Variants in TRIM11 observed in about 807,000 individuals in gnomAD.
The protein encoded by TRIM11 is E3 ubiquitin-protein ligase TRIM11.
A neutral mutation model predicts 33.4 loss-of-function variants in TRIM11; 15 were observed. That is an observed-to-expected ratio of 0.45 (90% CI 0.30 to 0.69). The LOEUF (loss-of-function observed/expected upper bound fraction) is 0.69, where lower values mean the gene tolerates loss of function less well. Among genes scored for constraint, TRIM11 ranks in the 30% least tolerant of loss-of-function variants. The pLI is 0.08. For missense variants in TRIM11, 499 were observed against 667.6 expected (o/e 0.75, Z 2.78); for synonymous variants, 281 against 302.6 (o/e 0.93, Z 0.74).
chr1:228,400,384 G>A lies in TRIM11; in HGVS notation c.735+580C>T, dbSNP rs1357812220. On this transcript the variant is annotated intron_variant, in intron 3 of 5. Coordinates refer to ENST00000284551, the MANE Select transcript of TRIM11 (RefSeq NM_145214.3). This position sits in a 1 kb window ranked among gnomAD's most constrained non-coding sequence, Gnocchi z 4.5. Reference sequence around the variant, plus strand: ...TGACCTGCCGCCAGGCCACAGGCCAGGGCGTCCACTGGTTCTGGTTTGGGG... The same window carrying A: ...TGACCTGCCGCCAGGCCACAGGCCAAGGCGTCCACTGGTTCTGGTTTGGGG... Among the ~76,000 whole-genome samples, 1 of 152,252 alleles carries A rather than the reference G, an allele frequency of 6.6e-6. No individual in the cohort carries two copies. Among genetic ancestry groups the A allele is most frequent in the Non-Finnish European group, 1.5e-5 (1 of 68,040 alleles).
chr1:228,401,156 C>T lies in TRIM11; in HGVS notation c.543G>A (p.Glu181=), dbSNP rs371709398. The T allele has an allele frequency of 4.0e-5, 64 of 1,613,462 alleles. No individual in the cohort carries two copies. The highest frequency in any genetic ancestry group is 5.3e-5 in the Non-Finnish European group (62 of 1,179,924). Residue 181 remains glutamate (E), a synonymous_variant, in exon 3 of 6, where the codon GAG becomes GAA. Transcript: ENST00000284551. The surrounding 1 kb of genome is among the most constrained non-coding windows in gnomAD (Gnocchi z 6.1). The part of the protein sequence containing the change: ...VESQRQNVLG[E]FERLRRLLAE... ...CCAGCAAACGGCGAAGACGCTCGAA[C>T]TCACCCAGCACGTTCTGCCGCTGGC...
At chr1:228,402,389 T>C (rs1475009630) in intron 1 of TRIM11, 1 of 441,316 alleles carries the variant, frequency 2.3e-6, no homozygotes, top group Non-Finnish European at 4.1e-6. Context: ...TTTTCTCATA[T>C]GGGGCATTTC....
intron 3 of TRIM11, among the ~76,000 whole-genome samples, chr1:228,399,136 C>T (rs969291002): frequency 6.6e-4 from 100 of 152,220 alleles, no homozygotes; most frequent in African/African-American, 2.1e-3. Context: ...CCTGTCCATT[C>T]GGCCTGGGTG....
intron 4 of TRIM11, 44 bp from the exon 5 acceptor site, chr1:228,397,091 G>A (rs1574083481): frequency 6.2e-7 from 1 of 1,613,828 alleles, no homozygotes; most frequent in Non-Finnish European, 8.5e-7. Context: ...CCAACAGCTG[G>A]GTCCCACCCC....
chr1:228,400,763 G>A lies in TRIM11; in HGVS notation c.735+201C>T, dbSNP rs534843427. On this transcript the variant is annotated intron_variant, in intron 3 of 5. Coordinates refer to ENST00000284551, the MANE Select transcript of TRIM11 (RefSeq NM_145214.3). The surrounding 1 kb of genome is among the most constrained non-coding windows in gnomAD (Gnocchi z 4.5). Reference sequence around the variant, plus strand: ...AAATTGATTTTCCCTTTCTCGGCACGTGGGTTTTGGGGGTGGGACATCTGT... The same window carrying A: ...AAATTGATTTTCCCTTTCTCGGCACATGGGTTTTGGGGGTGGGACATCTGT... Among the ~76,000 whole-genome samples the A allele has an allele frequency of 1.6e-4, 25 of 152,178 alleles. No homozygotes were observed. Among genetic ancestry groups the A allele is most frequent in the Non-Finnish European group, 2.6e-4 (18 of 68,016 alleles).
chr1:228,402,980 C>A (rs1395384861), intron 1 of TRIM11: 1 of 152,242 alleles, frequency 6.6e-6, no homozygotes. Context: ...CCAAGCCACT[C>A]GGGACCTTGT....
chr1:228,400,910 G>A lies in TRIM11; in HGVS notation c.735+54C>T, dbSNP rs1447003783. 2.1e-6 allele frequency: 3 copies of A among 1,457,322 alleles called. No individual in the cohort carries two copies. Among genetic ancestry groups the A allele is most frequent in the Admixed American group, 5.1e-5 (2 of 39,026 alleles). 90.3% of individuals were successfully genotyped at this position (1,457,322 alleles called of 1,614,324 possible). On this transcript the variant is annotated intron_variant, in intron 3 of 5. Coordinates refer to ENST00000284551, the MANE Select transcript of TRIM11 (RefSeq NM_145214.3). The surrounding 1 kb of genome is among the most constrained non-coding windows in gnomAD (Gnocchi z 4.5). ...GCACTTTCTGGTTCTCCCTCCCCCAGTGTGGCCAGGCCATGCCCGTGTGGC... is the reference window on the plus strand; with the variant it reads ...GCACTTTCTGGTTCTCCCTCCCCCAATGTGGCCAGGCCATGCCCGTGTGGC...
At chr1:228,402,010 A>C in intron 2 of TRIM11, 56 bp downstream of exon 2, 1 of 1,490,254 alleles carries the variant, frequency 6.7e-7, no homozygotes, top group Non-Finnish European at 9.2e-7. Flanking sequence ...GGTCTCCTAT[A>C]CAGGACCTTC....
chr1:228,396,146 G>C (rs116690278), intron 5 of TRIM11: 211 of 156,140 alleles, frequency 1.4e-3, no homozygotes, highest in Non-Finnish European at 2.4e-3. Context: ...CAGTGGCTGA[G>C]GTGGGGACCT....
Position 228,395,190 on chromosome 1 carries a change from TC to T in TRIM11, c.921del (p.Ser308AlafsTer56). The T allele has an allele frequency of 6.6e-7, 1 of 1,503,842 alleles. No homozygotes were observed. Among genetic ancestry groups the T allele is most frequent in the Non-Finnish European group, 8.8e-7 (1 of 1,132,946 alleles). The allele number at this position is 1,503,842 out of a possible 1,614,324, so 93.2% of individuals were successfully genotyped here. ...TGCCGTAGGTCCCCCCGCTGCACGC[TC>T]CGCCTGTCTTCAGACAGGATCAGCT... is the stretch of plus-strand genomic sequence containing the variant. Reference protein sequence around the residue: ...NPELILSEDRRSVQRGDLRQA... With the variant: ...NPELILSEDRXSVQRGDLRQA... On this transcript the variant is annotated frameshift_variant, in exon 6 of 6. Transcript: ENST00000284551. LOFTEE classifies it low-confidence loss of function (END_TRUNC). This position sits in a 1 kb window ranked among gnomAD's most constrained non-coding sequence, Gnocchi z 4.8.
Position 228,406,217 on chromosome 1 carries a change from C to T in TRIM11, c.345G>A (p.Glu115=). ...GGTGCGCCCAGTGCTCCCCAGAGCG[C>T]TCGCAGGCCGCACACAGGAGGCGCA... is the stretch of plus-strand genomic sequence containing the variant. The part of the protein sequence containing the change: ...DELRLLCAAC[E]RSGEHWAHRV... Residue 115 remains glutamate (E), a synonymous_variant, in exon 1 of 6, where the codon GAG becomes GAA. Transcript: ENST00000284551. This position sits in a 1 kb window ranked among gnomAD's most constrained non-coding sequence, Gnocchi z 8.2. 3 of 1,485,192 alleles carry T rather than the reference C, an allele frequency of 2.0e-6. No homozygotes were observed. The highest frequency in any genetic ancestry group is 2.7e-6 in the Non-Finnish European group (3 of 1,126,218). 92.0% of individuals were successfully genotyped at this position (1,485,192 alleles called of 1,614,324 possible).
chr1:228,400,865 C>CCT lies in TRIM11; in HGVS notation c.735+97_735+98dup, dbSNP rs1656184079. On this transcript the variant is annotated intron_variant, in intron 3 of 5. Coordinates refer to ENST00000284551, the MANE Select transcript of TRIM11 (RefSeq NM_145214.3). The surrounding 1 kb of genome is among the most constrained non-coding windows in gnomAD (Gnocchi z 4.5). ...GCCATTCACCTCTCAGCCCAGACAA[C>CCT]CTCTCTGCCCCTGCTTCTTGCACTT... 7.0e-7 allele frequency: 1 copy of CCT among 1,427,428 alleles called. No individual in the cohort carries two copies. The highest frequency in any genetic ancestry group is 2.6e-5 in the East Asian group (1 of 39,074). The allele number at this position is 1,427,428 out of a possible 1,614,324, so 88.4% of individuals were successfully genotyped here.
chr1:228,405,997 C>A, intron 1 of TRIM11, 157 bp downstream of exon 1: 9 of 830,586 alleles, frequency 1.1e-5, no homozygotes, highest in Non-Finnish European at 1.2e-5. Flanking sequence ...CTGCGCGACA[C>A]CCCCCTCACA....
Position 228,394,425 on chromosome 1 carries a change from G to C in TRIM11, c.*280C>G. On this transcript the variant is annotated 3_prime_UTR_variant, in exon 6 of 6. Transcript: ENST00000284551. The surrounding 1 kb of genome is among the most constrained non-coding windows in gnomAD (Gnocchi z 6.2). ...TCTGGAACCACAGGCCAGAGCTGCC[G>C]GGGCAATGGGGCTCCCAGCTTTGGT... The C allele has an allele frequency of 2.2e-6, 1 of 455,762 alleles. No homozygotes were observed. Among genetic ancestry groups the C allele is most frequent in the East Asian group, 3.5e-5 (1 of 28,960 alleles). 28.2% of individuals were successfully genotyped at this position (455,762 alleles called of 1,614,324 possible).
Position 228,406,636 on chromosome 1 carries a change from CG to C in TRIM11, c.-76del. ...GCGGCCTCGGCAGCTCGCGGGGACG[CG>C]GGGTATCCGGGTGCGGCGGCGCAGG... On this transcript the variant is annotated 5_prime_UTR_variant, in exon 1 of 6. Coordinates refer to ENST00000284551, the MANE Select transcript of TRIM11 (RefSeq NM_145214.3). This position sits in a 1 kb window ranked among gnomAD's most constrained non-coding sequence, Gnocchi z 8.2. 2 of 1,317,248 alleles carry C rather than the reference CG, an allele frequency of 1.5e-6. No homozygotes were observed. Among genetic ancestry groups the C allele is most frequent in the Non-Finnish European group, 1.9e-6 (2 of 1,028,782 alleles). The allele number at this position is 1,317,248 out of a possible 1,614,324, so 81.6% of individuals were successfully genotyped here.
At chr1:228,399,242 AAC>A (rs1032328412) in intron 3 of TRIM11, among the ~76,000 whole-genome samples, 1 of 152,038 alleles carries the variant, frequency 6.6e-6, no homozygotes, top group Non-Finnish European at 1.5e-5. Flanking sequence ...AGCTCACATC[AAC>A]ACAGAGCTGC....
chr1:228,400,929 G>A lies in TRIM11; in HGVS notation c.735+35C>T, dbSNP rs1352492502. On this transcript the variant is annotated intron_variant, in intron 3 of 5. Transcript: ENST00000284551. This position sits in a 1 kb window ranked among gnomAD's most constrained non-coding sequence, Gnocchi z 4.5. ...CCCCCAGTGTGGCCAGGCCATGCCC[G>A]TGTGGCCACCATGGCTGCTCCCCGC... 4.6e-6 allele frequency: 7 copies of A among 1,506,896 alleles called. No homozygotes were observed. Among genetic ancestry groups the A allele is most frequent in the African/African-American group, 1.4e-5 (1 of 72,346 alleles). The allele number at this position is 1,506,896 out of a possible 1,614,324, so 93.3% of individuals were successfully genotyped here.
In TRIM11 at chr1:228,394,724, T is replaced by TC; in HGVS notation, c.1387dup (p.Asp463GlyfsTer111). 6.2e-7 allele frequency: 1 copy of TC among 1,605,582 alleles called. No homozygotes were observed. Among genetic ancestry groups the TC allele is most frequent in the Non-Finnish European group, 8.5e-7 (1 of 1,174,384 alleles). ...CCCGAGTCACTGGGGAGCCAGGGTG[T>TC]CCCCGGACCCACCTTTCGGCCGGCA... On this transcript the variant is annotated frameshift_variant, in exon 6 of 6. Coordinates refer to ENST00000284551, the MANE Select transcript of TRIM11 (RefSeq NM_145214.3). LOFTEE classifies it high-confidence loss of function. The surrounding 1 kb of genome is among the most constrained non-coding windows in gnomAD (Gnocchi z 6.2).
Position 228,406,323 on chromosome 1 carries a change from C to A in TRIM11, c.239G>T (p.Arg80Leu). The A allele has an allele frequency of 6.8e-7, 1 of 1,470,840 alleles. No homozygotes were observed. The highest frequency in any genetic ancestry group is 1.3e-5 in the South Asian group (1 of 76,418). The allele number at this position is 1,470,840 out of a possible 1,614,324, so 91.1% of individuals were successfully genotyped here. Residue 80 changes from arginine (R) to leucine (L), a missense_variant, in exon 1 of 6, where the codon CGC becomes CTC. Coordinates refer to ENST00000284551, the MANE Select transcript of TRIM11 (RefSeq NM_145214.3). The surrounding 1 kb of genome is among the most constrained non-coding windows in gnomAD (Gnocchi z 8.2). ...PLAKMAEMAR[R>L]LHPPSPVPQG... ...CGGGACCGGCGACGGCGGGTGCAGG[C>A]GCCGCGCCATCTCGGCCATCTTAGC...
Sources: gnomAD v4.1 joint callset for allele counts (sites outside exome capture counted in the v4.1 genomes callset) on GRCh38, gnomAD v4.1.1 for gene constraint, Gnocchi (gnomAD v3.1) non-coding constraint, MANE v1.5 for transcripts, NCBI Gene and HGNC (gene_info 2026-07-23, HGNC 2026-07-21) for gene names.